LRP1B: variants seen among roughly 807,000 people sequenced by gnomAD.
The protein encoded by LRP1B is LDL receptor related protein 1B, also known as low-density lipoprotein receptor-related protein 1B.
In LRP1B, 217 loss-of-function variants were observed where a neutral mutation model predicts 556.6. That is an observed-to-expected ratio of 0.39 (90% CI 0.35 to 0.44). The LOEUF (loss-of-function observed/expected upper bound fraction) is 0.44. Ranked by LOEUF, LRP1B falls within the 20% of genes least tolerant of loss-of-function variation. The probability of loss-of-function intolerance (pLI) is 1.00; values close to 1 mark genes in which losing one functional copy is unlikely to be tolerated. For synonymous variants in LRP1B, 2,047 were observed against 1,865.8 expected (o/e 1.10, Z -2.50); for missense variants, 5,053 against 5,620.8 (o/e 0.90, Z 3.23).
At chr2:140,624,448 C>T (rs1683578979) in intron 41 of LRP1B, among the ~76,000 whole-genome samples, 1 of 152,120 alleles carries the variant, frequency 6.6e-6, no homozygotes, top group Non-Finnish European at 1.5e-5. Flanking sequence ...AACACTAATC[C>T]TCAACAATGA....
chr2:141,817,039 T>G (rs1437345), intron 1 of LRP1B, among the ~76,000 whole-genome samples: 91,714 of 151,766 alleles, frequency 0.6, 27,889 homozygotes, highest in Admixed American at 0.64. Context: ...AGGAGTCAAA[T>G]GAAAAAAAAT....
intron 1 of LRP1B, among the ~76,000 whole-genome samples, chr2:141,977,026 T>C (rs965210413): frequency 3.9e-5 from 6 of 152,190 alleles, no homozygotes. Context: ...TATTTTAATG[T>C]TGCATGAAGT....
intron 1 of LRP1B, among the ~76,000 whole-genome samples, chr2:141,924,041 C>T (rs941488085): frequency 2.0e-5 from 3 of 152,000 alleles, no homozygotes; most frequent in Non-Finnish European, 2.9e-5. Flanking sequence ...AGGCTCCAAT[C>T]TCAAGTCTGG....
rs115617025 is a variant in LRP1B at position 141,494,428 on chromosome 2, A to G, written c.206-13895T>C. On this transcript the variant is annotated intron_variant, in intron 2 of 90. Transcript: ENST00000389484. ...TTGAGTTGAAGTTCAACTTGCCAAC[A>G]CTAAACACTCAGCCAGATTATCCCT... 1.3e-5 allele frequency among the ~76,000 whole-genome samples: 2 copies of G among 152,232 alleles called. 1 individual carries two copies. The highest frequency in any genetic ancestry group is 4.8e-5 in the African/African-American group (2 of 41,548).
intron 4 of LRP1B, among the ~76,000 whole-genome samples, chr2:141,249,006 T>C (rs771922935): frequency 2.6e-5 from 4 of 152,116 alleles, no homozygotes; most frequent in Non-Finnish European, 5.9e-5. Flanking sequence ...ATAGAGGATG[T>C]AAGAAGTATA....
intron 6 of LRP1B, among the ~76,000 whole-genome samples, chr2:141,220,633 A>T (rs916525052): frequency 2.0e-5 from 3 of 151,718 alleles, no homozygotes; most frequent in Non-Finnish European, 4.4e-5. Context: ...AAAAAAAAAA[A>T]AAAAGAAAAA....
At chr2:140,401,395 A>G (rs1684494295) in intron 66 of LRP1B, among the ~76,000 whole-genome samples, 1 of 152,104 alleles carries the variant, frequency 6.6e-6, no homozygotes. Context: ...GCTGCCTGCT[A>G]TTCCCCATTC....
chr2:140,417,138 A>T (rs959489029), intron 66 of LRP1B, among the ~76,000 whole-genome samples: 1 of 152,230 alleles, frequency 6.6e-6, no homozygotes, highest in Non-Finnish European at 1.5e-5. Flanking sequence ...GGAGTTTTTC[A>T]AAAGAAAAAT....
chr2:140,357,600 T>G (rs1185610756), intron 74 of LRP1B, among the ~76,000 whole-genome samples: 1 of 151,588 alleles, frequency 6.6e-6, no homozygotes, highest in Non-Finnish European at 1.5e-5. Context: ...TGGATTAAAT[T>G]TTTTTTAACA....
At chr2:140,439,327 T>TAATA (rs1686325178) in intron 66 of LRP1B, among the ~76,000 whole-genome samples, 1 of 152,208 alleles carries the variant, frequency 6.6e-6, no homozygotes, top group African/African-American at 2.4e-5. Flanking sequence ...CTCTACAGTC[T>TAATA]AATATAACTG....
At chr2:140,846,735 G>A (rs1692284860) in intron 29 of LRP1B, among the ~76,000 whole-genome samples, 1 of 152,050 alleles carries the variant, frequency 6.6e-6, no homozygotes, top group South Asian at 2.1e-4. Flanking sequence ...CGAGAGCTAA[G>A]TGAGAAAATA....
rs760713351 is a variant in LRP1B at position 140,378,145 on chromosome 2, CGCT to C, written c.10638+32_10638+34del. On this transcript the variant is annotated intron_variant, in intron 68 of 90. Coordinates refer to ENST00000389484, the MANE Select transcript of LRP1B (RefSeq NM_018557.3). Reference sequence around the variant, plus strand: ...AATAATTACAAATGTGGTTCTAAAGCGCTGCTTTCTTTTTGATTTTACAAAGAT... The same window carrying C: ...AATAATTACAAATGTGGTTCTAAAGCGCTTTCTTTTTGATTTTACAAAGAT... The C allele has an allele frequency of 2.9e-6, 4 of 1,385,296 alleles. No individual in the cohort carries two copies. The East Asian group carries it at 6.9e-5, about 24-fold the overall frequency. 85.8% of individuals were successfully genotyped at this position (1,385,296 alleles called of 1,614,324 possible).
At chr2:141,764,046 T>C (rs1694649823) in intron 2 of LRP1B, among the ~76,000 whole-genome samples, 1 of 152,200 alleles carries the variant, frequency 6.6e-6, no homozygotes, top group African/African-American at 2.4e-5. Flanking sequence ...AAATTAGTGT[T>C]CTGGACTGAA....
intron 83 of LRP1B, among the ~76,000 whole-genome samples, chr2:140,303,077 C>T (rs563952955): frequency 5.6e-5 from 7 of 124,538 alleles, no homozygotes; most frequent in Admixed American, 1.7e-4. Flanking sequence ...ACATATATAT[C>T]GGTTCTTTTT....
chr2:140,608,082 A>G (rs1020072728), intron 41 of LRP1B, among the ~76,000 whole-genome samples: 11 of 152,098 alleles, frequency 7.2e-5, no homozygotes, highest in African/African-American at 2.2e-4. Context: ...AAAAATCTAC[A>G]CTGTAATCTG....
chr2:141,322,817 A>ATTT (rs1250897940), intron 3 of LRP1B, among the ~76,000 whole-genome samples: 55 of 152,208 alleles, frequency 3.6e-4, no homozygotes, highest in Admixed American at 2.6e-3. Flanking sequence ...TCAGCTATTG[A>ATTT]AGAGATGTAG....
intron 3 of LRP1B, among the ~76,000 whole-genome samples, chr2:141,367,806 A>C (rs539534602): frequency 2.0e-5 from 3 of 152,140 alleles, no homozygotes; most frequent in Admixed American, 1.3e-4. Context: ...TTATTTAACC[A>C]TCAATGCCTA....
chr2:140,880,380 C>T (rs931362719), intron 25 of LRP1B, among the ~76,000 whole-genome samples: 4 of 152,046 alleles, frequency 2.6e-5, no homozygotes, highest in Non-Finnish European at 5.9e-5. Context: ...GTCACCTTAG[C>T]AATAAGTGTA....
chr2:140,444,695 T>A lies in LRP1B; in HGVS notation c.10058-16A>T, dbSNP rs751021215. ...CTAAATTCAGCTAGGGGAGAAAGCA[T>A]AGATATTGTGGAATGGTAATCTTAC... On this transcript the variant is annotated splice_polypyrimidine_tract_variant and intron_variant, in intron 63 of 90. Transcript: ENST00000389484. 1 of 1,516,976 alleles carries A rather than the reference T, an allele frequency of 6.6e-7. No individual in the cohort carries two copies. Among genetic ancestry groups the A allele is most frequent in the Non-Finnish European group, 9.1e-7 (1 of 1,093,294 alleles). 94.0% of individuals were successfully genotyped at this position (1,516,976 alleles called of 1,614,324 possible).
Sources: allele counts gnomAD v4.1 joint callset (sites outside exome capture counted in the v4.1 genomes callset), GRCh38; gene constraint gnomAD v4.1.1; transcripts MANE v1.5; gene names NCBI Gene and HGNC (gene_info 2026-07-23, HGNC 2026-07-21).